Variants in GLI2 observed in about 807,000 individuals in gnomAD.
The protein encoded by GLI2 is GLI family zinc finger 2.
In GLI2, 22 loss-of-function variants were observed where a neutral mutation model predicts 78.9. The ratio of observed to expected loss-of-function variants is 0.28; its 90% CI spans 0.20 to 0.40. The LOEUF (loss-of-function observed/expected upper bound fraction) is 0.40, where lower values mean the gene tolerates loss of function less well. GLI2 is among the 10% of genes least tolerant of loss of function. The pLI is 1.00. For missense variants in GLI2, 2,097 were observed against 2,213.2 expected (o/e 0.95, Z 1.05); for synonymous variants, 974 against 963.7 (o/e 1.01, Z -0.20).
chr2:120,851,240 G>A (rs1687391888), intron 2 of GLI2, among the ~76,000 whole-genome samples: 1 of 152,328 alleles, frequency 6.6e-6, no homozygotes, highest in African/African-American at 2.4e-5. Flanking sequence ...CATGGAACAG[G>A]CCTCTCAGTG....
intron 1 of GLI2, among the ~76,000 whole-genome samples, chr2:120,740,409 G>T (rs938941849): frequency 3.3e-5 from 5 of 150,822 alleles, no homozygotes; most frequent in East Asian, 3.9e-4. Context: ...ATAATGTTTT[G>T]TGTGTGTGCT....
chr2:120,819,239 A>AT (rs10701244), intron 2 of GLI2, among the ~76,000 whole-genome samples: 85,526 of 116,318 alleles, frequency 0.74, 32,697 homozygotes, highest in East Asian at 0.85. Flanking sequence ...ACTAATAGAG[A>AT]TTTTTTTTTT....
At chr2:120,939,742 T>C (rs1241067998) in intron 3 of GLI2, among the ~76,000 whole-genome samples, 2 of 152,222 alleles carry the variant, frequency 1.3e-5, no homozygotes, top group Non-Finnish European at 2.9e-5. Flanking sequence ...TATACCATCC[T>C]CTGGGCCCCA....
intron 1 of GLI2, among the ~76,000 whole-genome samples, chr2:120,742,345 G>A (rs897917778): frequency 6.6e-6 from 1 of 152,166 alleles, no homozygotes; most frequent in African/African-American, 2.4e-5. Context: ...AGCCCCTTCA[G>A]CAGACGCTTA....
chr2:120,930,757 G>T (rs1376265362), intron 3 of GLI2, among the ~76,000 whole-genome samples: 1 of 152,244 alleles, frequency 6.6e-6, no homozygotes, highest in Non-Finnish European at 1.5e-5. Context: ...CAGCTTGACA[G>T]CCCTGGCTAC....
chr2:120,885,322 C>G (rs1167247617), intron 2 of GLI2, among the ~76,000 whole-genome samples: 1 of 152,212 alleles, frequency 6.6e-6, no homozygotes, highest in East Asian at 1.9e-4. Context: ...GAGAGTGAAG[C>G]TGCAGCTACA....
intron 1 of GLI2, among the ~76,000 whole-genome samples, chr2:120,780,816 C>T (rs1683824054): frequency 6.6e-6 from 1 of 152,210 alleles, no homozygotes; most frequent in African/African-American, 2.4e-5. Context: ...CCTCTCCCAG[C>T]GATGTCCTGT....
At chr2:120,794,479 A>G (rs1365813372) in intron 1 of GLI2, among the ~76,000 whole-genome samples, 3 of 152,110 alleles carry the variant, frequency 2.0e-5, no homozygotes, top group Non-Finnish European at 4.4e-5. Flanking sequence ...AAGCACAGGG[A>G]ATTACCTGGA....
intron 11 of GLI2, 41 bp downstream of exon 11, chr2:120,982,921 C>T (rs1682783025): frequency 6.3e-7 from 1 of 1,592,020 alleles, no homozygotes; most frequent in South Asian, 1.1e-5. Context: ...ACACTGGGGC[C>T]CCACTGACGC....
chr2:120,870,263 C>T (rs536455081), intron 2 of GLI2, among the ~76,000 whole-genome samples: 2 of 152,282 alleles, frequency 1.3e-5, no homozygotes, highest in East Asian at 3.9e-4. Flanking sequence ...GCTGGAGAAA[C>T]TAATGTTTTA....
chr2:120,759,806 TG>T (rs1683161331), intron 1 of GLI2, among the ~76,000 whole-genome samples: 1 of 152,172 alleles, frequency 6.6e-6, no homozygotes, highest in African/African-American at 2.4e-5. Flanking sequence ...GATTTTCAGG[TG>T]ACCGGCTTCC....
At chr2:120,965,330 C>T (rs1024580600) in intron 5 of GLI2, among the ~76,000 whole-genome samples, 9 of 150,134 alleles carry the variant, frequency 6.0e-5, no homozygotes, top group Non-Finnish European at 1.3e-4. Flanking sequence ...AGCCAGGATG[C>T]AGATGCTGCA....
intron 1 of GLI2, among the ~76,000 whole-genome samples, chr2:120,768,811 G>A (rs907893053): frequency 2.0e-5 from 3 of 151,928 alleles, no homozygotes; most frequent in Non-Finnish European, 4.4e-5. Flanking sequence ...GTGTGTGTGT[G>A]TGTGTGTGTG....
chr2:120,976,664 G>C (rs183302595), intron 9 of GLI2, among the ~76,000 whole-genome samples: 23 of 152,362 alleles, frequency 1.5e-4, no homozygotes, highest in Admixed American at 7.2e-4. Context: ...CAGCCCCAAA[G>C]AGCAGGCACG....
intron 1 of GLI2, among the ~76,000 whole-genome samples, chr2:120,747,010 G>C (rs537817010): frequency 6.6e-6 from 1 of 152,168 alleles, no homozygotes; most frequent in South Asian, 2.1e-4. Context: ...ATACCATTGG[G>C]CATTTAGACT....
intron 1 of GLI2, among the ~76,000 whole-genome samples, chr2:120,776,237 G>T (rs115408492): frequency 6.6e-6 from 1 of 152,206 alleles, no homozygotes; most frequent in Admixed American, 6.5e-5. Context: ...TGTTGTTCCC[G>T]CTTTCTAGAT....
Position 120,982,778 on chromosome 2 carries a change from C to T in GLI2, c.1530C>T (p.His510=), listed in dbSNP as rs761373106. 1.2e-6 allele frequency: 2 copies of T among 1,614,074 alleles called. No individual in the cohort carries two copies. Among genetic ancestry groups the T allele is most frequent in the South Asian group, 1.1e-5 (1 of 91,080 alleles). The stretch of plus-strand genomic sequence containing the variant: ...ACCTGAAGACACACCTGCGGTCCCA[C>T]ACCGGGGAGAAGCCATATGTGTGTG... ...LENLKTHLRS[H]TGEKPYVCEH... The change falls in exon 11 of 14, where the codon CAC becomes CAT. Residue 510 remains histidine (H), a synonymous_variant. Coordinates refer to ENST00000361492, the MANE Select transcript of GLI2 (RefSeq NM_001374353.1).
At chr2:120,887,541 G>C (rs1451716838) in intron 2 of GLI2, among the ~76,000 whole-genome samples, 3 of 152,272 alleles carry the variant, frequency 2.0e-5, no homozygotes, top group Non-Finnish European at 1.5e-5. Context: ...CTTGTACCAT[G>C]TACTTGGGAG....
At chr2:120,945,818 C>G (rs147518742) in intron 3 of GLI2, among the ~76,000 whole-genome samples, 1 of 152,280 alleles carries the variant, frequency 6.6e-6, no homozygotes, top group African/African-American at 2.4e-5. Context: ...GATCACAGTA[C>G]TAGCAATATG....
Sources: gnomAD v4.1 joint callset for allele counts (sites outside exome capture counted in the v4.1 genomes callset) on GRCh38, gnomAD v4.1.1 for gene constraint, MANE v1.5 for transcripts, NCBI Gene and HGNC (gene_info 2026-07-23, HGNC 2026-07-21) for gene names.